Variants in KCTD3 observed in about 807,000 individuals in gnomAD.
KCTD3 encodes BTB/POZ domain-containing protein KCTD3.
Under a neutral mutation model 85.8 loss-of-function variants are expected in KCTD3, and 41 were observed. The ratio of observed to expected loss-of-function variants is 0.48; its 90% CI spans 0.37 to 0.62. KCTD3 has a LOEUF of 0.62. KCTD3 is among the 20% of genes least tolerant of loss of function. The pLI is 0.00. For synonymous variants in KCTD3, 338 were observed against 345.4 expected (o/e 0.98, Z 0.24); for missense variants, 724 against 989.9 (o/e 0.73, Z 3.60).
intron 10 of KCTD3, among the ~76,000 whole-genome samples, chr1:215,598,058 T>G (rs1351955289): frequency 1.3e-5 from 2 of 152,174 alleles, no homozygotes; most frequent in South Asian, 4.1e-4. Flanking sequence ...TTGTTTATAC[T>G]AAGTATTAAG....
At chr1:215,571,250 A>G (rs1014396818) in intron 1 of KCTD3, among the ~76,000 whole-genome samples, 5 of 152,176 alleles carry the variant, frequency 3.3e-5, no homozygotes, top group African/African-American at 7.2e-5. Flanking sequence ...GGATCCTTCA[A>G]TTTACCATTG....
At chr1:215,594,081 A>C (rs1451032680) in intron 9 of KCTD3, among the ~76,000 whole-genome samples, 1 of 151,942 alleles carries the variant, frequency 6.6e-6, no homozygotes, top group Non-Finnish European at 1.5e-5. Flanking sequence ...GCTGGTCTTG[A>C]ACTCCTGACC....
chr1:215,607,979 G>A (rs1655097979), intron 13 of KCTD3, 38 bp from the exon 14 acceptor site: 1 of 1,554,848 alleles, frequency 6.4e-7, no homozygotes, highest in Non-Finnish European at 8.7e-7. Context: ...GTTTTTAAAA[G>A]TAATTTTGTA....
In KCTD3 at chr1:215,618,898, C is replaced by T. The variant is rs1229734226; in HGVS notation, c.1575C>T (p.Ile525=). The change falls in exon 16 of 18, where the codon ATC becomes ATT. Residue 525 remains isoleucine (I), a synonymous_variant. Transcript: ENST00000259154. ...LSSTGKRICE[I]QAVDCTTISS... is the part of the protein sequence containing the mutation. The stretch of plus-strand genomic sequence containing the variant: ...TTTTCTTTTGCAGAATATGTGAGAT[C>T]CAGGCTGTTGACTGTACTACAATAT... 2.5e-6 allele frequency: 4 copies of T among 1,602,508 alleles called. No homozygotes were observed. The South Asian group carries it at 4.6e-5, about 18-fold the overall frequency.
chr1:215,602,976 G>A (rs1006339959), intron 12 of KCTD3, among the ~76,000 whole-genome samples: 2 of 152,134 alleles, frequency 1.3e-5, no homozygotes, highest in Non-Finnish European at 2.9e-5. Context: ...AGTAAACCAC[G>A]GATTTCTAGC....
intron 15 of KCTD3, chr1:215,618,576 A>G (rs1340708194): frequency 4.4e-6 from 1 of 225,658 alleles, no homozygotes; most frequent in Admixed American, 5.6e-5. Flanking sequence ...CTGATCCGTC[A>G]ATGTGGATAA....
chr1:215,567,444 G>C lies in KCTD3; in HGVS notation c.-242G>C, dbSNP rs1659164893. ...GGCCCGGGCGGCCCGGCGGCCTGGAGGCCGCGAAAGGTGGAGGCCGGGCCG... is the reference window on the plus strand; with the variant it reads ...GGCCCGGGCGGCCCGGCGGCCTGGACGCCGCGAAAGGTGGAGGCCGGGCCG... On this transcript the variant is annotated 5_prime_UTR_variant, in exon 1 of 18. Transcript: ENST00000259154. The C allele has an allele frequency of 4.1e-6, 1 of 246,134 alleles. No homozygotes were observed. Among genetic ancestry groups the C allele is most frequent in the African/African-American group, 2.3e-5 (1 of 44,290 alleles). 15.2% of individuals were successfully genotyped at this position (246,134 alleles called of 1,614,324 possible).
At chr1:215,582,525 A>G (rs1659861767) in intron 8 of KCTD3, among the ~76,000 whole-genome samples, 1 of 151,972 alleles carries the variant, frequency 6.6e-6, no homozygotes, top group Non-Finnish European at 1.5e-5. Context: ...CTTGTTTTAT[A>G]TTTTGTTTTA....
chr1:215,596,843 G>A (rs1457002160), intron 10 of KCTD3, among the ~76,000 whole-genome samples: 3 of 152,104 alleles, frequency 2.0e-5, no homozygotes, highest in Admixed American at 6.6e-5. Flanking sequence ...TTGCCAGAAG[G>A]ACCTGAAGAC....
intron 9 of KCTD3, among the ~76,000 whole-genome samples, chr1:215,593,096 A>G (rs1356275649): frequency 6.6e-6 from 1 of 152,210 alleles, no homozygotes; most frequent in African/African-American, 2.4e-5. Context: ...CACATGTTCT[A>G]AAAAGACATG....
At chr1:215,597,566 TAAG>T (rs1654649681) in intron 10 of KCTD3, among the ~76,000 whole-genome samples, 1 of 152,162 alleles carries the variant, frequency 6.6e-6, no homozygotes, top group Admixed American at 6.6e-5. Flanking sequence ...TTCTGAGAAA[TAAG>T]AGATCTTCAG....
chr1:215,591,296 TTCCTTCC>T (rs1660200730), intron 9 of KCTD3, among the ~76,000 whole-genome samples: 1 of 89,136 alleles, frequency 1.1e-5, no homozygotes, highest in Non-Finnish European at 2.1e-5. Flanking sequence ...CTTTCCTTCC[TTCCTTCC>T]TTCCTTCCTT....
rs375751467 is a variant in KCTD3 at position 215,586,531 on chromosome 1, G to A, written c.663G>A (p.Thr221=). 55 of 1,613,792 alleles carry A rather than the reference G, an allele frequency of 3.4e-5. No individual in the cohort carries two copies. Among genetic ancestry groups the A allele is most frequent in the Non-Finnish European group, 4.4e-5 (52 of 1,179,962 alleles). The change falls in exon 9 of 18, where the codon ACG becomes ACA. Residue 221 remains threonine (T), a synonymous_variant. Coordinates refer to ENST00000259154, the MANE Select transcript of KCTD3 (RefSeq NM_016121.5). ...CTTCAGGATGGCAGCAAGTGTTTAC[G>A]AGCCCATATTTGGATTGGACTATCG... The part of the protein sequence containing the change: ...KESSGWQQVF[T]SPYLDWTIER...
At chr1:215,586,881 C>T (rs1660029617) in intron 9 of KCTD3, among the ~76,000 whole-genome samples, 196 bp downstream of exon 9, 1 of 152,124 alleles carries the variant, frequency 6.6e-6, no homozygotes, top group South Asian at 2.1e-4. Flanking sequence ...CATCTTTTCA[C>T]CACTTTAAGT....
At chr1:215,607,498 C>A (rs1316295477) in intron 13 of KCTD3, among the ~76,000 whole-genome samples, 4 of 151,884 alleles carry the variant, frequency 2.6e-5, no homozygotes, top group Admixed American at 2.6e-4. Context: ...AAATAATGCT[C>A]AGCTTTAGTA....
intron 1 of KCTD3, among the ~76,000 whole-genome samples, chr1:215,571,866 C>T (rs1248693743): frequency 2.6e-5 from 4 of 152,158 alleles, no homozygotes; most frequent in Admixed American, 2.0e-4. Context: ...CTGCTGACCT[C>T]GTGATCTGCC....
chr1:215,587,289 C>T (rs2102571150), intron 9 of KCTD3, among the ~76,000 whole-genome samples: 1 of 152,096 alleles, frequency 6.6e-6, no homozygotes, highest in East Asian at 1.9e-4. Context: ...GCCACCACGT[C>T]CAGCTAATTT....
chr1:215,593,986 A>G (rs1048082167), intron 9 of KCTD3, among the ~76,000 whole-genome samples: 4 of 149,508 alleles, frequency 2.7e-5, no homozygotes, highest in Non-Finnish European at 5.9e-5. Flanking sequence ...CAGCCTCCCC[A>G]GTAGCTGGGA....
intron 8 of KCTD3, chr1:215,580,839 C>A: frequency 3.4e-6 from 1 of 295,018 alleles, no homozygotes; most frequent in Non-Finnish European, 6.8e-6. Flanking sequence ...TAAAGAATCC[C>A]AGATGTATTT....
Sources: allele counts gnomAD v4.1 joint callset (sites outside exome capture counted in the v4.1 genomes callset), GRCh38; gene constraint gnomAD v4.1.1; transcripts MANE v1.5; gene names NCBI Gene and HGNC (gene_info 2026-07-23, HGNC 2026-07-21).